The following SLC24A2 variants were observed in gnomAD, a reference collection of about 807,000 sequenced individuals.
The protein encoded by SLC24A2 is solute carrier family 24 member 2.
A neutral mutation model predicts 62.0 loss-of-function variants in SLC24A2; 36 were observed. The ratio of observed to expected loss-of-function variants is 0.58; its 90% CI spans 0.44 to 0.77. SLC24A2 has a LOEUF of 0.77. Among genes scored for constraint, SLC24A2 ranks in the 30% least tolerant of loss-of-function variants. The probability of loss-of-function intolerance (pLI) is 0.00; values close to 1 mark genes in which losing one functional copy is unlikely to be tolerated. For missense variants in SLC24A2, 846 were observed against 817.9 expected (o/e 1.03, Z -0.42); for synonymous variants, 358 against 294.0 (o/e 1.22, Z -2.23).
chr9:20,290,313 C>A, the SLC24A2 span, among the ~76,000 whole-genome samples: 1 of 152,196 alleles, frequency 6.6e-6, no homozygotes, highest in Non-Finnish European at 1.5e-5. Context: ...CACAGCATTC[C>A]CTGCATACCC....
chr9:20,294,949 AC>A, the SLC24A2 span, among the ~76,000 whole-genome samples: 4 of 152,002 alleles, frequency 2.6e-5, no homozygotes, highest in African/African-American at 9.7e-5. Flanking sequence ...TACTAAGCAC[AC>A]CCATTTTAGA....
At chr9:19,587,497 T>C (rs1836409672) in intron 5 of SLC24A2, among the ~76,000 whole-genome samples, 2 of 152,196 alleles carry the variant, frequency 1.3e-5, no homozygotes, top group African/African-American at 4.8e-5. Context: ...AAACGTGGGT[T>C]AGCAGCAGAA....
the SLC24A2 span, among the ~76,000 whole-genome samples, chr9:20,251,282 C>A: frequency 6.6e-6 from 1 of 152,178 alleles, no homozygotes; most frequent in South Asian, 2.1e-4. Context: ...TTGTCCCCAC[C>A]CACCCTTATC....
At chr9:20,259,782 G>C in the SLC24A2 span, among the ~76,000 whole-genome samples, 1 of 152,170 alleles carries the variant, frequency 6.6e-6, no homozygotes, top group Non-Finnish European at 1.5e-5. Context: ...AATTGCCATT[G>C]TAACAGTATT....
At chr9:19,542,350 A>G (rs1242262947) in intron 8 of SLC24A2, among the ~76,000 whole-genome samples, 1 of 152,184 alleles carries the variant, frequency 6.6e-6, no homozygotes, top group Non-Finnish European at 1.5e-5. Context: ...CTGGGACAAT[A>G]GAGTTTTCTA....
the SLC24A2 span, among the ~76,000 whole-genome samples, chr9:19,998,707 C>T: frequency 1.3e-5 from 2 of 152,330 alleles, no homozygotes; most frequent in East Asian, 3.9e-4. Context: ...TACTAATTGT[C>T]TGCCCATATT....
chr9:20,011,531 T>C, the SLC24A2 span, among the ~76,000 whole-genome samples: 3 of 152,012 alleles, frequency 2.0e-5, no homozygotes, highest in East Asian at 5.8e-4. Flanking sequence ...TAAAGAAGAA[T>C]GAAAAAGAAC....
chr9:20,095,089 G>GCCACAATGAAGAGA, the SLC24A2 span, among the ~76,000 whole-genome samples: 2 of 152,060 alleles, frequency 1.3e-5, no homozygotes, highest in Non-Finnish European at 2.9e-5. Flanking sequence ...ATGACATCCT[G>GCCACAATGAAGAGA]TTTTCTAAGC....
At chr9:19,894,754 T>C in the SLC24A2 span, among the ~76,000 whole-genome samples, 1 of 152,188 alleles carries the variant, frequency 6.6e-6, no homozygotes, top group Admixed American at 6.5e-5. Context: ...AGTTCTCTCA[T>C]CCCTTACTTT....
chr9:19,722,522 T>C (rs1480886577), intron 2 of SLC24A2, among the ~76,000 whole-genome samples: 1 of 152,044 alleles, frequency 6.6e-6, no homozygotes, highest in Non-Finnish European at 1.5e-5. Context: ...ACCTAAAAAG[T>C]GCAGGATAAG....
chr9:19,870,570 T>C, the SLC24A2 span, among the ~76,000 whole-genome samples: 1 of 152,192 alleles, frequency 6.6e-6, no homozygotes, highest in African/African-American at 2.4e-5. Context: ...GTTTAATCTT[T>C]TAGAGAACTG....
the SLC24A2 span, among the ~76,000 whole-genome samples, chr9:20,294,045 T>A: frequency 6.6e-6 from 1 of 152,134 alleles, no homozygotes; most frequent in African/African-American, 2.4e-5. Flanking sequence ...TTGCTCATCA[T>A]GACCTCCACT....
intron 2 of SLC24A2, among the ~76,000 whole-genome samples, chr9:19,759,127 AC>A (rs1303873499): frequency 6.6e-6 from 1 of 152,202 alleles, no homozygotes; most frequent in Non-Finnish European, 1.5e-5. Context: ...AACAAAAGAC[AC>A]CTACAAACAG....
the SLC24A2 span, among the ~76,000 whole-genome samples, chr9:20,182,212 CAGTGATTCCTCG>C: frequency 6.6e-6 from 1 of 152,202 alleles, no homozygotes; most frequent in Non-Finnish European, 1.5e-5. Context: ...TTGTGGAAAA[CAGTGATTCCTCG>C]AGTGATTCCT....
chr9:19,531,692 AC>A (rs141054914), intron 8 of SLC24A2, among the ~76,000 whole-genome samples: 4,116 of 121,042 alleles, frequency 0.034, 48 homozygotes, highest in African/African-American at 0.085. Context: ...TTTAACAAAG[AC>A]CCCCCCCCAC....
the SLC24A2 span, among the ~76,000 whole-genome samples, chr9:19,844,302 G>T: frequency 6.6e-6 from 1 of 152,032 alleles, no homozygotes; most frequent in African/African-American, 2.4e-5. Flanking sequence ...ATGTTTGTTG[G>T]CTGCTTGGAT....
At chr9:19,689,257 G>A (rs930371401) in intron 2 of SLC24A2, among the ~76,000 whole-genome samples, 1 of 152,000 alleles carries the variant, frequency 6.6e-6, no homozygotes, top group Non-Finnish European at 1.5e-5. Flanking sequence ...GGTTACACCA[G>A]GACTCCCGAA....
chr9:19,527,635 G>A (rs1256293714), intron 9 of SLC24A2, among the ~76,000 whole-genome samples: 1 of 152,186 alleles, frequency 6.6e-6, no homozygotes, highest in Non-Finnish European at 1.5e-5. Flanking sequence ...GAAGCTCAAG[G>A]AAGAGGCTAT....
At chr9:19,695,440 A>C (rs981941471) in intron 2 of SLC24A2, among the ~76,000 whole-genome samples, 2 of 152,114 alleles carry the variant, frequency 1.3e-5, no homozygotes, top group Non-Finnish European at 2.9e-5. Context: ...ACATCAACCA[A>C]ACAACTGAAT....
Sources: gnomAD v4.1 joint callset for allele counts (sites outside exome capture counted in the v4.1 genomes callset) on GRCh38, gnomAD v4.1.1 for gene constraint, MANE v1.5 for transcripts, NCBI Gene and HGNC (gene_info 2026-07-23, HGNC 2026-07-21) for gene names.